The following SORCS2 variants were observed in gnomAD, a reference collection of about 807,000 sequenced individuals.
SORCS2 encodes sortilin related VPS10 domain containing receptor 2.
Under a neutral mutation model 141.6 loss-of-function variants are expected in SORCS2, and 100 were observed. The observed-to-expected ratio is 0.71, with a 90% CI of 0.60 to 0.83. SORCS2 has a LOEUF of 0.83. Among genes scored for constraint, SORCS2 ranks in the 40% least tolerant of loss-of-function variants. SORCS2 has a pLI of 0.00. For missense variants in SORCS2, 1,646 were observed against 1,560.2 expected, an observed-to-expected ratio of 1.05 and a Z score of -0.93; for synonymous variants, 789 against 676.9, an observed-to-expected ratio of 1.17 and a Z score of -2.57.
chr4:7,347,442 G>T (rs981832670), intron 1 of SORCS2, among the ~76,000 whole-genome samples: 8 of 152,222 alleles, frequency 5.3e-5, no homozygotes, highest in African/African-American at 1.7e-4. Flanking sequence ...ATTCTGCTGG[G>T]CCCTCTATAT....
chr4:7,677,990 G>T (rs1468016732), intron 9 of SORCS2, among the ~76,000 whole-genome samples: 1 of 152,156 alleles, frequency 6.6e-6, no homozygotes, highest in African/African-American at 2.4e-5. Flanking sequence ...GGTGGGGTGG[G>T]ACTCCACGGC....
chr4:7,298,420 C>T (rs1212925432), intron 1 of SORCS2, among the ~76,000 whole-genome samples: 1 of 152,176 alleles, frequency 6.6e-6, no homozygotes, highest in Non-Finnish European at 1.5e-5. Flanking sequence ...CCCTGACATA[C>T]AAGCAACAGT....
At chr4:7,200,624 A>G (rs1727435485) in intron 1 of SORCS2, among the ~76,000 whole-genome samples, 1 of 152,164 alleles carries the variant, frequency 6.6e-6, no homozygotes, top group Non-Finnish European at 1.5e-5. Context: ...CAGCCCAAGA[A>G]CCTCACCGCA....
At chr4:7,498,659 G>A (rs1036977133) in intron 2 of SORCS2, among the ~76,000 whole-genome samples, 3 of 152,224 alleles carry the variant, frequency 2.0e-5, no homozygotes, top group African/African-American at 7.2e-5. Flanking sequence ...ATTGCTCTAA[G>A]CCCCTGATCC....
intron 2 of SORCS2, among the ~76,000 whole-genome samples, chr4:7,469,098 T>A (rs6832237): frequency 3.3e-5 from 5 of 151,442 alleles, no homozygotes; most frequent in Admixed American, 6.6e-5. Flanking sequence ...TGAGGCTGGC[T>A]GTGATGGTGG....
chr4:7,337,792 G>A (rs1720082274), intron 1 of SORCS2, among the ~76,000 whole-genome samples: 3 of 152,226 alleles, frequency 2.0e-5, no homozygotes. Flanking sequence ...GGCCACCTGT[G>A]AGCCGGCCCT....
chr4:7,612,160 A>T (rs1038302017), intron 3 of SORCS2, among the ~76,000 whole-genome samples: 1 of 152,218 alleles, frequency 6.6e-6, no homozygotes, highest in Non-Finnish European at 1.5e-5. Flanking sequence ...CTGGGGAGGT[A>T]AAACTGAGCA....
At chr4:7,232,989 C>T (rs1253033464) in intron 1 of SORCS2, among the ~76,000 whole-genome samples, 2 of 152,126 alleles carry the variant, frequency 1.3e-5, no homozygotes, top group African/African-American at 4.8e-5. Flanking sequence ...TGTAGGATGG[C>T]CATCACCAGA....
At chr4:7,412,434 G>A (rs958500005) in intron 2 of SORCS2, among the ~76,000 whole-genome samples, 13 of 152,178 alleles carry the variant, frequency 8.5e-5, no homozygotes, top group African/African-American at 2.9e-4. Flanking sequence ...CTCCCTGGCA[G>A]AGTGACAGCC....
chr4:7,565,991 AAT>A (rs1560391110), intron 3 of SORCS2, among the ~76,000 whole-genome samples: 1 of 144,904 alleles, frequency 6.9e-6, no homozygotes, highest in East Asian at 2.0e-4. Flanking sequence ...TGATAATGGT[AAT>A]GGTGATGATG....
At position 7,725,248 on chromosome 4, in the gene SORCS2, C is replaced by A. The variant is rs1310937792; in HGVS notation, c.2706C>A (p.Asn902Lys). ...CTGTGCTGCTTCCCTTGAACCCTAACCTCACCGTCTTCTACTGGTGGATCG... is the reference window on the plus strand; with the variant it reads ...CTGTGCTGCTTCCCTTGAACCCTAAACTCACCGTCTTCTACTGGTGGATCG... ...LTAVLLPLNPNLTVFYWWIGH... is the reference protein window; with the variant it reads ...LTAVLLPLNPKLTVFYWWIGH... The change falls in exon 20 of 27, where the codon AAC (asparagine) becomes AAA (lysine). Residue 902 changes from asparagine to lysine, a missense_variant. Physicochemically the swap from Asn to Lys is moderately conservative, Grantham distance 94. Transcript: ENST00000507866. The A allele has an allele frequency of 1.2e-6, 2 of 1,613,592 alleles. No individual in the cohort carries two copies. Among genetic ancestry groups the A allele is most frequent in the East Asian group, 2.2e-5 (1 of 44,872 alleles).
chr4:7,514,885 C>T (rs1248710451), intron 2 of SORCS2, among the ~76,000 whole-genome samples: 1 of 152,140 alleles, frequency 6.6e-6, no homozygotes, highest in Non-Finnish European at 1.5e-5. Context: ...ATAGACTGTC[C>T]GCATGGCCTG....
rs1714201077 is a variant in SORCS2, at chr4:7,259,905, T to C, written c.480+66779T>C. Among the ~76,000 whole-genome samples, 6 of 152,342 alleles carry C rather than the reference T, an allele frequency of 3.9e-5. No homozygotes were observed. In the South Asian group the frequency reaches 1.0e-3, roughly 26 times the overall value. The stretch of plus-strand genomic sequence containing the variant: ...GACGCCAAAGCCTGTGTGTTCACCA[T>C]TGGGCCACCCAGCCTGTTGGGCAGG... On this transcript the variant is annotated intron_variant, in intron 1 of 26. Transcript: ENST00000507866.
chr4:7,633,740 G>A (rs1025323363), intron 3 of SORCS2, among the ~76,000 whole-genome samples: 12 of 152,304 alleles, frequency 7.9e-5, no homozygotes, highest in African/African-American at 2.9e-4. Flanking sequence ...CTTAGGAGTC[G>A]CAGACTGAGA....
intron 3 of SORCS2, among the ~76,000 whole-genome samples, chr4:7,543,687 CCCATCCACCCATCCAT>C (rs1560372922): frequency 6.1e-5 from 3 of 49,146 alleles, no homozygotes; most frequent in African/African-American, 1.9e-4. Context: ...CACCCATCCA[CCCATCCACCCATCCAT>C]CCATCCACCC....
intron 2 of SORCS2, among the ~76,000 whole-genome samples, chr4:7,505,855 G>GCC (rs1732246320): frequency 6.6e-6 from 1 of 152,208 alleles, no homozygotes; most frequent in Admixed American, 6.5e-5. Flanking sequence ...CCCTCATAGA[G>GCC]CTGGAGTGAA....
intron 1 of SORCS2, among the ~76,000 whole-genome samples, chr4:7,395,837 A>G (rs1326549164): frequency 6.6e-6 from 1 of 152,186 alleles, no homozygotes; most frequent in African/African-American, 2.4e-5. Context: ...CTTGGGTGGC[A>G]GCCCCAGCAG....
chr4:7,721,488 C>T (rs928559421), intron 18 of SORCS2, among the ~76,000 whole-genome samples: 2 of 152,106 alleles, frequency 1.3e-5, no homozygotes, highest in African/African-American at 4.8e-5. Flanking sequence ...ATAGTAATAC[C>T]TGCTTCAACC....
intron 1 of SORCS2, among the ~76,000 whole-genome samples, chr4:7,226,755 C>A (rs921637032): frequency 6.6e-6 from 1 of 152,062 alleles, no homozygotes; most frequent in African/African-American, 2.4e-5. Context: ...ATGGGCAGAC[C>A]CTGCTCCGTT....
Sources: gnomAD v4.1 joint callset for allele counts (sites outside exome capture counted in the v4.1 genomes callset) on GRCh38, gnomAD v4.1.1 for gene constraint, MANE v1.5 for transcripts, NCBI Gene and HGNC (gene_info 2026-07-23, HGNC 2026-07-21) for gene names.